The following TMEM132D variants were observed in gnomAD, a reference collection of about 807,000 sequenced individuals.
TMEM132D encodes the protein transmembrane protein 132D, also known as mature OL transmembrane protein.
Under a neutral mutation model 62.3 loss-of-function variants are expected in TMEM132D, and 21 were observed. The observed-to-expected ratio is 0.34, with a 90% CI of 0.24 to 0.49. TMEM132D has a LOEUF of 0.49. Ranked by LOEUF, TMEM132D falls within the 20% of genes least tolerant of loss-of-function variation. The probability of loss-of-function intolerance (pLI) is 0.99; values close to 1 mark genes in which losing one functional copy is unlikely to be tolerated. For missense variants in TMEM132D, 1,346 were observed against 1,402.8 expected (o/e 0.96, Z 0.65); for synonymous variants, 621 against 575.6 (o/e 1.08, Z -1.13).
intron 1 of TMEM132D, chr12:129,839,791 A>T (rs928236842): frequency 7.2e-5 from 11 of 152,236 alleles, no homozygotes; most frequent in African/African-American, 2.2e-4. Flanking sequence ...GGCGATCCGG[A>T]TCCAAAGGAA....
At chr12:129,271,213 C>A (rs1050770008) in intron 4 of TMEM132D, among the ~76,000 whole-genome samples, 2 of 149,134 alleles carry the variant, frequency 1.3e-5, no homozygotes, top group African/African-American at 5.2e-5. Context: ...AATAAGACAC[C>A]CAGACACCTT....
At chr12:129,787,042 G>A (rs1022834466) in intron 1 of TMEM132D, among the ~76,000 whole-genome samples, 1 of 152,190 alleles carries the variant, frequency 6.6e-6, no homozygotes, top group African/African-American at 2.4e-5. Context: ...CTGGTGCAGT[G>A]AGAGGGTCTG....
chr12:129,819,196 A>C (rs1872467776), intron 1 of TMEM132D, among the ~76,000 whole-genome samples: 1 of 152,046 alleles, frequency 6.6e-6, no homozygotes, highest in Non-Finnish European at 1.5e-5. Flanking sequence ...AATTCCATAA[A>C]GATAGTGAAA....
chr12:129,074,456 T>A lies in TMEM132D; in HGVS notation c.2719A>T (p.Met907Leu), dbSNP rs1290776340. Residue 907 changes from methionine (M) to leucine (L), a missense_variant, in exon 9 of 9, where the codon ATG becomes TTG. Met to Leu is a conservative substitution (Grantham distance 15). Transcript: ENST00000422113. ...SNGEMDGNDL[M>L]QASKGLSDLE... ...TCGCTCAGCCCTTTGGATGCCTGCA[T>A]AAGGTCATTCCCATCCATTTCCCCA... 1 of 1,614,044 alleles carries A rather than the reference T, an allele frequency of 6.2e-7. No homozygotes were observed. The highest frequency in any genetic ancestry group is 8.5e-7 in the Non-Finnish European group (1 of 1,180,054).
chr12:129,425,688 G>T (rs1872475115), intron 3 of TMEM132D, among the ~76,000 whole-genome samples: 1 of 152,112 alleles, frequency 6.6e-6, no homozygotes, highest in Non-Finnish European at 1.5e-5. Context: ...ACTGATGTTG[G>T]GGAGAGGATG....
intron 3 of TMEM132D, among the ~76,000 whole-genome samples, chr12:129,467,002 G>A (rs985376586): frequency 1.3e-5 from 2 of 152,142 alleles, no homozygotes; most frequent in Admixed American, 6.5e-5. Context: ...TAAAAGGCAG[G>A]AACAGTCCCT....
At chr12:129,547,683 A>T (rs1013388042) in intron 2 of TMEM132D, among the ~76,000 whole-genome samples, 4 of 152,220 alleles carry the variant, frequency 2.6e-5, no homozygotes, top group Non-Finnish European at 4.4e-5. Flanking sequence ...GTGTGAGATG[A>T]GTAAATTGCT....
chr12:129,496,319 T>C (rs1449378250), intron 3 of TMEM132D, among the ~76,000 whole-genome samples: 2 of 152,168 alleles, frequency 1.3e-5, no homozygotes, highest in African/African-American at 4.8e-5. Context: ...GTGGGGAATC[T>C]TTAAAAGCAG....
At chr12:129,382,518 T>A (rs967070179) in intron 3 of TMEM132D, among the ~76,000 whole-genome samples, 1 of 152,140 alleles carries the variant, frequency 6.6e-6, no homozygotes, top group Non-Finnish European at 1.5e-5. Context: ...GTGCAGCCCG[T>A]CTACTGCAGA....
Position 129,153,820 on chromosome 12 carries a change from T to C in TMEM132D, c.1443+55700A>G, listed in dbSNP as rs192684597. Among the ~76,000 whole-genome samples, 211 of 152,148 alleles carry C rather than the reference T, an allele frequency of 1.4e-3. 2 individuals are homozygous for C. Among genetic ancestry groups the C allele is most frequent in the African/African-American group, 4.7e-3 (195 of 41,498 alleles). Reference sequence around the variant, plus strand: ...CTGGGGTGGCGGTTCTGCAGCTTTTTCCATGTGTCCTGGATGACTCTGCTC... The same window carrying C: ...CTGGGGTGGCGGTTCTGCAGCTTTTCCCATGTGTCCTGGATGACTCTGCTC... On this transcript the variant is annotated intron_variant, in intron 5 of 8. Transcript: ENST00000422113.
chr12:129,770,421 C>T (rs1240587635), intron 1 of TMEM132D, among the ~76,000 whole-genome samples: 1 of 152,098 alleles, frequency 6.6e-6, no homozygotes, highest in South Asian at 2.1e-4. Context: ...GGATTACAGG[C>T]GTGGGCCACT....
At chr12:129,178,572 T>C (rs1218628983) in intron 5 of TMEM132D, among the ~76,000 whole-genome samples, 1 of 152,052 alleles carries the variant, frequency 6.6e-6, no homozygotes, top group Non-Finnish European at 1.5e-5. Flanking sequence ...TAAAATAACA[T>C]AAAAGCACAT....
chr12:129,655,097 G>T (rs1276379152), intron 2 of TMEM132D, among the ~76,000 whole-genome samples: 3 of 151,506 alleles, frequency 2.0e-5, no homozygotes, highest in Non-Finnish European at 4.4e-5. Context: ...ACAGGCGCCT[G>T]CCACCATGCC....
At chr12:129,112,357 T>C (rs1002993926) in intron 5 of TMEM132D, among the ~76,000 whole-genome samples, 1 of 152,186 alleles carries the variant, frequency 6.6e-6, no homozygotes, top group African/African-American at 2.4e-5. Context: ...GGCTCTATAA[T>C]TTCAAATTAA....
In TMEM132D at chr12:129,162,970, C is replaced by T. The variant is rs528544339; in HGVS notation, c.1443+46550G>A. 6.6e-5 allele frequency among the ~76,000 whole-genome samples: 10 copies of T among 152,268 alleles called. No homozygotes were observed. The East Asian group carries it at 7.7e-4, about 12-fold the overall frequency. Reference sequence around the variant, plus strand: ...CATCAGCCAAGTGGCCACTGGACTGCGCAGGACCAGCTCTCAACATTGACA... The same window carrying T: ...CATCAGCCAAGTGGCCACTGGACTGTGCAGGACCAGCTCTCAACATTGACA... On this transcript the variant is annotated intron_variant, in intron 5 of 8. Coordinates refer to ENST00000422113, the MANE Select transcript of TMEM132D (RefSeq NM_133448.3).
At chr12:129,390,326 A>T (rs962795302) in intron 3 of TMEM132D, among the ~76,000 whole-genome samples, 3 of 152,110 alleles carry the variant, frequency 2.0e-5, no homozygotes, top group Non-Finnish European at 4.4e-5. Context: ...CTGAGGCAGG[A>T]ACCACGTGCC....
chr12:129,894,208 G>A (rs950428248), intron 1 of TMEM132D, among the ~76,000 whole-genome samples: 1 of 152,194 alleles, frequency 6.6e-6, no homozygotes, highest in Non-Finnish European at 1.5e-5. Flanking sequence ...CAGCCTGCAT[G>A]GTGGCAGGCA....
chr12:129,799,875 G>A (rs904450917), intron 1 of TMEM132D, among the ~76,000 whole-genome samples: 1 of 152,046 alleles, frequency 6.6e-6, no homozygotes, highest in Non-Finnish European at 1.5e-5. Context: ...GCAGCCTGGG[G>A]GCACAGGCTG....
At chr12:129,454,766 C>T (rs939232911) in intron 3 of TMEM132D, among the ~76,000 whole-genome samples, 1 of 152,216 alleles carries the variant, frequency 6.6e-6, no homozygotes, top group East Asian at 1.9e-4. Context: ...CTGTCCGTGT[C>T]TCTGCCTCTC....
Sources: gnomAD v4.1 joint callset for allele counts (sites outside exome capture counted in the v4.1 genomes callset) on GRCh38, gnomAD v4.1.1 for gene constraint, MANE v1.5 for transcripts, NCBI Gene and HGNC (gene_info 2026-07-23, HGNC 2026-07-21) for gene names.